Variants in PRP4K observed in about 807,000 individuals in gnomAD.
PRP4K encodes the protein serine/threonine-protein kinase PRP4 homolog.
chr6:4,047,069 A>G, the PRP4K span: 2 of 885,990 alleles, frequency 2.3e-6, no homozygotes, highest in East Asian at 2.4e-5. Context: ...ACTGATGTGC[A>G]AGAGGGCAAA....
the PRP4K span, among the ~76,000 whole-genome samples, chr6:4,050,991 C>G: frequency 1.4e-4 from 21 of 152,002 alleles, no homozygotes; most frequent in African/African-American, 4.6e-4. Flanking sequence ...CTCACTGTAA[C>G]CTCTGCCTCC....
At chr6:4,029,343 T>A in the PRP4K span, among the ~76,000 whole-genome samples, 28 of 149,296 alleles carry the variant, frequency 1.9e-4, no homozygotes, top group South Asian at 5.9e-3. Context: ...TACTCAATTT[T>A]TTTTTTTTTT....
the PRP4K span, among the ~76,000 whole-genome samples, chr6:4,022,718 A>T: frequency 6.6e-6 from 1 of 152,230 alleles, no homozygotes; most frequent in Non-Finnish European, 1.5e-5. Flanking sequence ...AATTTGACTT[A>T]GCAGAGAACA....
chr6:4,045,612 A>G, the PRP4K span, among the ~76,000 whole-genome samples: 117 of 152,336 alleles, frequency 7.7e-4, no homozygotes, highest in African/African-American at 2.7e-3. Context: ...TTATGATTTT[A>G]TATTTCTATC....
chr6:4,044,047 C>T, the PRP4K span: 55 of 1,599,324 alleles, frequency 3.4e-5, no homozygotes, highest in South Asian at 2.5e-4. Context: ...GTCCTGGCGA[C>T]GCTTTTCTCT....
the PRP4K span, among the ~76,000 whole-genome samples, chr6:4,029,984 C>T: frequency 6.6e-6 from 1 of 151,560 alleles, no homozygotes. Flanking sequence ...ACTGTGTCAC[C>T]CAGGCTGGAG....
At chr6:4,049,471 T>C in the PRP4K span, 1 of 483,942 alleles carries the variant, frequency 2.1e-6, no homozygotes, top group Non-Finnish European at 3.6e-6. Flanking sequence ...CATGCGGGAC[T>C]ACAATTGGAA....
At chr6:4,028,826 C>T in the PRP4K span, among the ~76,000 whole-genome samples, 1,013 of 152,024 alleles carry the variant, frequency 6.7e-3, 6 homozygotes, top group Non-Finnish European at 0.01. Context: ...TCAGTCATAC[C>T]GCCATTCTCT....
the PRP4K span, chr6:4,047,060 C>T: frequency 1.2e-5 from 9 of 776,480 alleles, no homozygotes; most frequent in Non-Finnish European, 2.0e-5. Context: ...TGTTGGGAAA[C>T]TGATGTGCAA....
the PRP4K span, among the ~76,000 whole-genome samples, chr6:4,049,272 A>G: frequency 6.6e-6 from 1 of 152,242 alleles, no homozygotes; most frequent in Non-Finnish European, 1.5e-5. Context: ...TGTGTATTCT[A>G]AAAGCAGCCC....
At chr6:4,048,344 A>G in the PRP4K span, among the ~76,000 whole-genome samples, 2 of 146,352 alleles carry the variant, frequency 1.4e-5, no homozygotes, top group African/African-American at 2.5e-5. Context: ...GCGCCACTGC[A>G]CTCCAGCCTG....
chr6:4,049,414 A>G, the PRP4K span: 2 of 454,296 alleles, frequency 4.4e-6, no homozygotes, highest in South Asian at 4.0e-5. Flanking sequence ...TGAAACCAAG[A>G]AAAACGACAA....
At chr6:4,032,379 C>G in the PRP4K span, 2 of 1,613,848 alleles carry the variant, frequency 1.2e-6, no homozygotes, top group Non-Finnish European at 1.7e-6. Context: ...AAGTCGCGAT[C>G]GAGGTAAAAA....
At chr6:4,057,848 G>A in the PRP4K span, among the ~76,000 whole-genome samples, 7 of 150,272 alleles carry the variant, frequency 4.7e-5, no homozygotes, top group Non-Finnish European at 1.0e-4. Context: ...TCTGCCTCCC[G>A]GGTTCATGCC....
the PRP4K span, among the ~76,000 whole-genome samples, chr6:4,043,654 TA>T: frequency 6.6e-6 from 1 of 152,188 alleles, no homozygotes; most frequent in Non-Finnish European, 1.5e-5. Flanking sequence ...AGAAATTACA[TA>T]AGGGATTGCA....
the PRP4K span, among the ~76,000 whole-genome samples, chr6:4,036,880 G>C: frequency 6.6e-6 from 1 of 151,566 alleles, no homozygotes; most frequent in African/African-American, 2.4e-5. Context: ...AGCTGCTCAG[G>C]GGGGCTGAAG....
At chr6:4,064,475 A>T in the PRP4K span, 3 of 152,596 alleles carry the variant, frequency 2.0e-5, no homozygotes, top group African/African-American at 7.2e-5. Flanking sequence ...CGAAGTAGTT[A>T]AGAAATGGCC....
At chr6:4,057,252 C>T in the PRP4K span, 3 of 1,535,006 alleles carry the variant, frequency 2.0e-6, no homozygotes, top group Non-Finnish European at 2.7e-6. Flanking sequence ...ACTGCTGACA[C>T]TTGCTCACCA....
chr6:4,037,879 C>T, the PRP4K span, among the ~76,000 whole-genome samples: 22 of 149,068 alleles, frequency 1.5e-4, no homozygotes, highest in Admixed American at 6.7e-4. Flanking sequence ...TTTTAACCAG[C>T]AAGGTAGATC....
Sources: allele counts gnomAD v4.1 joint callset (sites outside exome capture counted in the v4.1 genomes callset), GRCh38; gene constraint gnomAD v4.1.1; transcripts MANE v1.5; gene names NCBI Gene and HGNC (gene_info 2026-07-23, HGNC 2026-07-21).